KALRN: variants seen among roughly 807,000 people sequenced by gnomAD.
The protein encoded by KALRN is kalirin RhoGEF kinase, also known as kalirin.
In KALRN, 70 loss-of-function variants were observed where a neutral mutation model predicts 353.7. The observed-to-expected ratio is 0.20, with a 90% CI of 0.16 to 0.24. The LOEUF is 0.24. KALRN is among the 10% of genes least tolerant of loss of function. KALRN has a pLI of 1.00. For synonymous variants in KALRN, 1,391 were observed against 1,434.8 expected (o/e 0.97, Z 0.69); for missense variants, 2,791 against 3,756.7 (o/e 0.74, Z 6.72).
At chr3:124,615,768 C>CGGTAGCA (rs1252097647) in intron 34 of KALRN, among the ~76,000 whole-genome samples, 2 of 152,146 alleles carry the variant, frequency 1.3e-5, no homozygotes, top group African/African-American at 4.8e-5. Flanking sequence ...TCTGTGCTCC[C>CGGTAGCA]GGTAGCAAGG....
At chr3:124,239,487 T>C (rs1027104265) in intron 3 of KALRN, among the ~76,000 whole-genome samples, 1 of 152,164 alleles carries the variant, frequency 6.6e-6, no homozygotes, top group East Asian at 1.9e-4. Context: ...AGATACTGAG[T>C]GTTCTGCCAA....
chr3:124,405,646 T>G (rs1273884965), intron 13 of KALRN, among the ~76,000 whole-genome samples: 1 of 143,458 alleles, frequency 7.0e-6, no homozygotes, highest in Admixed American at 6.9e-5. Flanking sequence ...GGGTTTTTTT[T>G]TTTTTTTTTT....
intron 30 of KALRN, 37 bp from the exon 31 acceptor site, chr3:124,491,286 C>G (rs778514540): frequency 6.8e-7 from 1 of 1,467,854 alleles, no homozygotes; most frequent in Admixed American, 2.0e-5. Flanking sequence ...CACTGCCCTC[C>G]CCTTCCCCGC....
intron 2 of KALRN, among the ~76,000 whole-genome samples, chr3:124,231,156 G>T (rs2079111363): frequency 6.6e-6 from 1 of 152,202 alleles, no homozygotes; most frequent in African/African-American, 2.4e-5. Flanking sequence ...CAGCCCAGAA[G>T]CTTCTGCATG....
chr3:124,697,264 T>C (rs773829899), intron 54 of KALRN, among the ~76,000 whole-genome samples: 3 of 152,178 alleles, frequency 2.0e-5, no homozygotes, highest in Non-Finnish European at 4.4e-5. Context: ...ATTGTAAAAA[T>C]TCAAAAATAA....
At position 124,223,604 on chromosome 3, in the gene KALRN, A is replaced by G. The variant is rs146623041; in HGVS notation, c.74-4386A>G. ...GATACTCTGGCAGCTTGAACCTCCA[A>G]TGCTCTATAAACGCCCACTCTGTTG... On this transcript the variant is annotated intron_variant, in intron 1 of 59. Coordinates refer to ENST00000682506, the MANE Select transcript of KALRN (RefSeq NM_001388419.1). 1.6e-4 allele frequency among the ~76,000 whole-genome samples: 24 copies of G among 152,338 alleles called. No homozygotes were observed. The South Asian group carries it at 4.1e-3, about 26-fold the overall frequency.
At position 124,720,870 on chromosome 3, in the gene KALRN, T is replaced by A. The variant is rs889491265; in HGVS notation, c.*1400T>A. The A allele has an allele frequency of 1.3e-5, 2 of 152,232 alleles. No individual in the cohort carries two copies. The highest frequency in any genetic ancestry group is 2.9e-5 in the Non-Finnish European group (2 of 68,038). 9.4% of individuals were successfully genotyped at this position (152,232 alleles called of 1,614,324 possible). On this transcript the variant is annotated 3_prime_UTR_variant, in exon 60 of 60. Transcript: ENST00000682506. ...TTGGAGGGAGGGAGCTTGTTTTTTG[T>A]GTTTGTACATGATCCACCCTTAGTT...
chr3:124,151,294 T>C (rs2068074053), intron 1 of KALRN, among the ~76,000 whole-genome samples: 1 of 152,236 alleles, frequency 6.6e-6, no homozygotes, highest in South Asian at 2.1e-4. Context: ...ATTTATATCT[T>C]CACCAGCAGA....
At chr3:124,063,539 A>G (rs901089359) in intron 1 of KALRN, among the ~76,000 whole-genome samples, 4 of 152,158 alleles carry the variant, frequency 2.6e-5, no homozygotes, top group Non-Finnish European at 5.9e-5. Context: ...AAAGACACAA[A>G]CATTCTCGGC....
At chr3:124,474,589 G>T in intron 25 of KALRN, 74 bp from the exon 26 acceptor site, 1 of 1,131,226 alleles carries the variant, frequency 8.8e-7, no homozygotes, top group Non-Finnish European at 1.3e-6. Flanking sequence ...TTATGGTTGT[G>T]CTGGCCTCAG....
intron 1 of KALRN, among the ~76,000 whole-genome samples, chr3:124,086,309 T>TTGTG (rs59443298): frequency 0.17 from 24,319 of 141,514 alleles, 2,061 homozygotes; most frequent in Non-Finnish European, 0.19. Context: ...GGTTGTTTTG[T>TTGTG]TGTGTGTGTG....
intron 33 of KALRN, among the ~76,000 whole-genome samples, chr3:124,501,262 T>C (rs2064494752): frequency 6.6e-6 from 1 of 152,160 alleles, no homozygotes; most frequent in Non-Finnish European, 1.5e-5. Context: ...CATTTCAGGC[T>C]GGTGTGTGGT....
chr3:124,518,479 T>G (rs1232750688), intron 33 of KALRN: 1 of 1,613,956 alleles, frequency 6.2e-7, no homozygotes, highest in Non-Finnish European at 8.5e-7. Context: ...TCCTGGGACT[T>G]GTCCCTGCAG....
intron 52 of KALRN, 77 bp from the exon 53 acceptor site, chr3:124,694,255 A>C: frequency 1.5e-6 from 2 of 1,339,916 alleles, no homozygotes; most frequent in Non-Finnish European, 2.1e-6. Flanking sequence ...GAAATGAGAG[A>C]GGTGTGTTAA....
chr3:124,057,042 T>C (rs2041616185), intron 1 of KALRN, among the ~76,000 whole-genome samples: 1 of 152,246 alleles, frequency 6.6e-6, no homozygotes, highest in Non-Finnish European at 1.5e-5. Flanking sequence ...TTATCCATGT[T>C]GGCTGGCCCT....
chr3:124,552,308 C>T (rs1376482952), intron 33 of KALRN, among the ~76,000 whole-genome samples: 2 of 152,214 alleles, frequency 1.3e-5, no homozygotes, highest in Non-Finnish European at 2.9e-5. Context: ...TCAGGTGCTC[C>T]GCATGTGCCC....
At chr3:124,076,002 G>GACA (rs2060242303) in intron 1 of KALRN, among the ~76,000 whole-genome samples, 1 of 152,188 alleles carries the variant, frequency 6.6e-6, no homozygotes, top group East Asian at 1.9e-4. Context: ...TGGCCTATGT[G>GACA]CAGGCTTCCT....
rs2070645938 is a variant in KALRN, at chr3:124,248,373, AG to A, written c.263+13435del. ...TTCCTCTGTCCGGGGCTGTGACCAC[AG>A]GGGGTTACCCAGGCCAGAGGTGGGT... On this transcript the variant is annotated intron_variant, in intron 3 of 59. Coordinates refer to ENST00000682506, the MANE Select transcript of KALRN (RefSeq NM_001388419.1). Among the ~76,000 whole-genome samples, 4 of 152,192 alleles carry A rather than the reference AG, an allele frequency of 2.6e-5. No individual in the cohort carries two copies. In the South Asian group the frequency reaches 8.3e-4, roughly 32 times the overall value.
chr3:124,628,029 A>G (rs2080159148), intron 34 of KALRN, among the ~76,000 whole-genome samples: 1 of 152,200 alleles, frequency 6.6e-6, no homozygotes, highest in Admixed American at 6.5e-5. Flanking sequence ...AGAAAGTTCC[A>G]GCAGGGTCAA....
Sources: gnomAD v4.1 joint callset for allele counts (sites outside exome capture counted in the v4.1 genomes callset) on GRCh38, gnomAD v4.1.1 for gene constraint, MANE v1.5 for transcripts, NCBI Gene and HGNC (gene_info 2026-07-23, HGNC 2026-07-21) for gene names.